The following PIP5K1A variants were observed in gnomAD, a reference collection of about 807,000 sequenced individuals.
The protein encoded by PIP5K1A is phosphatidylinositol-4-phosphate 5-kinase type 1 alpha.
PIP5K1A carries 46 observed loss-of-function variants against 72.9 expected under a neutral mutation model. The ratio of observed to expected loss-of-function variants is 0.63; its 90% CI spans 0.50 to 0.81. The LOEUF (loss-of-function observed/expected upper bound fraction) is 0.81. Ranked by LOEUF, PIP5K1A falls within the 30% of genes least tolerant of loss-of-function variation. The pLI is 0.00. For synonymous variants in PIP5K1A, 228 were observed against 255.1 expected (o/e 0.89, Z 1.01); for missense variants, 458 against 706.1 (o/e 0.65, Z 3.98).
At chr1:151,238,462 C>T (rs919118467) in intron 10 of PIP5K1A, 197 bp downstream of exon 10, 9 of 549,720 alleles carry the variant, frequency 1.6e-5, no homozygotes, top group South Asian at 1.0e-4. Context: ...AACCCTTCCT[C>T]CCCCATCTCC....
At chr1:151,205,344 T>A (rs587745581) in intron 1 of PIP5K1A, among the ~76,000 whole-genome samples, 1 of 152,124 alleles carries the variant, frequency 6.6e-6, no homozygotes, top group South Asian at 2.1e-4. Context: ...CCCAGATAAT[T>A]TTTGTATTTT....
intron 8 of PIP5K1A, among the ~76,000 whole-genome samples, chr1:151,235,463 A>G (rs1690719972): frequency 6.6e-6 from 1 of 152,232 alleles, no homozygotes; most frequent in Non-Finnish European, 1.5e-5. Context: ...TATTGTGTTT[A>G]TTTTACATTT....
intron 1 of PIP5K1A, among the ~76,000 whole-genome samples, chr1:151,214,720 G>A (rs1176273720): frequency 1.3e-5 from 2 of 151,822 alleles, no homozygotes; most frequent in African/African-American, 2.4e-5. Flanking sequence ...CTCAAGGAGC[G>A]GAAGAGCCTC....
At position 151,240,016 on chromosome 1, in the gene PIP5K1A, A is replaced by G; in HGVS notation, c.1340A>G (p.Asn447Ser). 1 of 1,612,692 alleles carries G rather than the reference A, an allele frequency of 6.2e-7. No homozygotes were observed. Residue 447 changes from asparagine to serine, a missense_variant, in exon 12 of 16, where the codon AAC becomes AGC. Physicochemically the swap from Asn to Ser is conservative, Grantham distance 46 (BLOSUM62 1). This residue lies in a region of PIP5K1A where 157 missense variants were observed against 175.5 expected (regional missense o/e 0.89). Transcript: ENST00000368888. ...GAACGGTTCCAGCGCTTCATGTGCA[A>G]CACAGTATTTAAGAAGATTCCCTGT... Reference protein sequence around the residue: ...YAERFQRFMCNTVFKKIPLKP... With the variant: ...YAERFQRFMCSTVFKKIPLKP...
rs1322990463 is a variant in PIP5K1A at position 151,227,338 on chromosome 1, A to T, written c.175A>T (p.Met59Leu). The change falls in exon 4 of 16, where the codon ATG (methionine) becomes TTG (leucine). Residue 59 changes from methionine (M) to leucine (L), a missense_variant. By Grantham distance (15) the Met-to-Leu change is conservative (BLOSUM62 2). Coordinates refer to ENST00000368888, the MANE Select transcript of PIP5K1A (RefSeq NM_001135638.2). ...YISLVPYASG[M>L]PIKKIGHRSV... is the part of the protein sequence containing the mutation. ...CTTCTAGGTGCCTTATGCCTCTGGC[A>T]TGCCCATCAAGAAAATAGGCCATAG... is the stretch of plus-strand genomic sequence containing the variant. 1.4e-5 allele frequency: 22 copies of T among 1,611,616 alleles called. No individual in the cohort carries two copies. Among genetic ancestry groups the T allele is most frequent in the Non-Finnish European group, 1.9e-5 (22 of 1,177,802 alleles).
rs1692588388 is a variant in PIP5K1A, at chr1:151,246,909, T to C, written c.1641-11T>C. ...TTTTTCTCTCTGCTTCCATTTTTTT[T>C]CTCCTGTTAGTACAACCTTGGAAAA... On this transcript the variant is annotated splice_polypyrimidine_tract_variant and intron_variant, in intron 14 of 15. Coordinates refer to ENST00000368888, the MANE Select transcript of PIP5K1A (RefSeq NM_001135638.2). 4 of 1,608,164 alleles carry C rather than the reference T, an allele frequency of 2.5e-6. No individual in the cohort carries two copies. Among genetic ancestry groups the C allele is most frequent in the Non-Finnish European group, 3.4e-6 (4 of 1,174,986 alleles).
At chr1:151,209,884 T>TC (rs34001437) in intron 1 of PIP5K1A, among the ~76,000 whole-genome samples, 3 of 151,970 alleles carry the variant, frequency 2.0e-5, no homozygotes, top group African/African-American at 7.3e-5. Context: ...CATTTTTTTT[T>TC]CTTTCTTTTT....
intron 4 of PIP5K1A, 134 bp from the exon 5 acceptor site, chr1:151,231,537 G>A: frequency 5.4e-6 from 4 of 745,558 alleles, no homozygotes; most frequent in Non-Finnish European, 9.1e-6. Context: ...GATTGTCCCA[G>A]TTTTATCTGA....
At chr1:151,232,149 A>G in intron 5 of PIP5K1A, 99 bp from the exon 6 acceptor site, 1 of 800,396 alleles carries the variant, frequency 1.2e-6, no homozygotes. Context: ...GTATTCCCCC[A>G]CTCCCCCCAC....
chr1:151,236,898 G>A, intron 9 of PIP5K1A, 135 bp downstream of exon 9: 1 of 633,826 alleles, frequency 1.6e-6, no homozygotes, highest in Non-Finnish European at 2.6e-6. Flanking sequence ...CACGATCTCA[G>A]CCTACTACTA....
At chr1:151,215,232 T>C (rs971387990) in intron 1 of PIP5K1A, among the ~76,000 whole-genome samples, 5 of 151,800 alleles carry the variant, frequency 3.3e-5, no homozygotes, top group Admixed American at 2.0e-4. Flanking sequence ...AAGACGGGGT[T>C]TCTCCATGTT....
chr1:151,236,544 T>C lies in PIP5K1A; in HGVS notation c.940-14T>C, dbSNP rs1690884913. ...TCTTCCAAGGCTCAGATCATGTTTT[T>C]TTCCTTCCATTAGGTGCTGCAGAGC... On this transcript the variant is annotated splice_polypyrimidine_tract_variant and intron_variant, in intron 8 of 15. Transcript: ENST00000368888. 6.5e-7 allele frequency: 1 copy of C among 1,540,638 alleles called. No individual in the cohort carries two copies. The highest frequency in any genetic ancestry group is 8.9e-7 in the Non-Finnish European group (1 of 1,117,766).
In PIP5K1A at chr1:151,231,810, T is replaced by G. The variant is rs748259379; in HGVS notation, c.368+9T>G. 6.2e-7 allele frequency: 1 copy of G among 1,613,710 alleles called. No homozygotes were observed. Among genetic ancestry groups the G allele is most frequent in the Admixed American group, 1.7e-5 (1 of 60,002 alleles). On this transcript the variant is annotated intron_variant, in intron 5 of 15. Transcript: ENST00000368888. ...AGTATCTTCTTTCCCAGGTACAGAG[T>G]TTAATGTTCAGGAGCATGTCCTGGA...
chr1:151,212,142 C>T (rs1031367410), intron 1 of PIP5K1A, among the ~76,000 whole-genome samples: 1 of 151,796 alleles, frequency 6.6e-6, no homozygotes, highest in Non-Finnish European at 1.5e-5. Context: ...TTTACATTAT[C>T]TCTTCAAGTT....
chr1:151,218,950 C>A (rs587663885), intron 1 of PIP5K1A, among the ~76,000 whole-genome samples: 6 of 151,932 alleles, frequency 3.9e-5, no homozygotes, highest in Non-Finnish European at 7.4e-5. Flanking sequence ...TGATTTTGAG[C>A]CCATTCCTTA....
intron 4 of PIP5K1A, among the ~76,000 whole-genome samples, chr1:151,228,354 C>T (rs1281640768): frequency 3.3e-5 from 5 of 152,074 alleles, no homozygotes; most frequent in East Asian, 3.9e-4. Flanking sequence ...CTCGCTGTGT[C>T]GCACAGGCTG....
intron 1 of PIP5K1A, among the ~76,000 whole-genome samples, chr1:151,213,953 G>C (rs1170420781): frequency 1.3e-5 from 2 of 152,150 alleles, no homozygotes; most frequent in South Asian, 2.1e-4. Context: ...TCAGGAAATG[G>C]TCATCTTTTA....
At chr1:151,246,797 T>C in intron 14 of PIP5K1A, 123 bp from the exon 15 acceptor site, 1 of 674,762 alleles carries the variant, frequency 1.5e-6, no homozygotes, top group Non-Finnish European at 2.6e-6. Flanking sequence ...GCCTCTTCTT[T>C]CCAAATTCTA....
intron 9 of PIP5K1A, among the ~76,000 whole-genome samples, chr1:151,237,942 G>C (rs1469892808): frequency 6.6e-6 from 1 of 152,138 alleles, no homozygotes; most frequent in Non-Finnish European, 1.5e-5. Flanking sequence ...TAGGCAAGAA[G>C]ATTTGGAGAA....
Sources: gnomAD v4.1 joint callset for allele counts (sites outside exome capture counted in the v4.1 genomes callset) on GRCh38, gnomAD v4.1.1 for gene constraint, gnomAD v4.1.1 regional missense constraint, MANE v1.5 for transcripts, NCBI Gene and HGNC (gene_info 2026-07-23, HGNC 2026-07-21) for gene names.